The following LTBP1 variants were observed in gnomAD, a reference collection of about 807,000 sequenced individuals.
The protein encoded by LTBP1 is latent-transforming growth factor beta-binding protein 1.
LTBP1 carries 129 observed loss-of-function variants against 207.6 expected under a neutral mutation model. That is an observed-to-expected ratio of 0.62 (90% CI 0.54 to 0.72). The LOEUF is 0.72. Among genes scored for constraint, LTBP1 ranks in the 30% least tolerant of loss-of-function variants. The pLI is 0.00. For missense variants in LTBP1, 2,281 were observed against 2,217.2 expected (o/e 1.03, Z -0.58); for synonymous variants, 963 against 833.7 (o/e 1.16, Z -2.67).
intron 2 of LTBP1, among the ~76,000 whole-genome samples, chr2:33,017,960 C>T (rs534071636): frequency 6.6e-6 from 1 of 152,110 alleles, no homozygotes; most frequent in Non-Finnish European, 1.5e-5. Context: ...CAATCCAGCC[C>T]CTCCTCATCT....
chr2:33,310,529 G>T (rs2149175054), intron 23 of LTBP1, among the ~76,000 whole-genome samples: 1 of 152,070 alleles, frequency 6.6e-6, no homozygotes, highest in East Asian at 1.9e-4. Context: ...TATTCATTTT[G>T]TGCATGAGTA....
chr2:33,006,251 T>G (rs984263737), intron 2 of LTBP1, among the ~76,000 whole-genome samples: 3 of 152,274 alleles, frequency 2.0e-5, no homozygotes, highest in Non-Finnish European at 4.4e-5. Context: ...AAATTTATAT[T>G]TGTTTAGTGA....
At chr2:32,949,852 A>C (rs918278500) in intron 2 of LTBP1, among the ~76,000 whole-genome samples, 1 of 152,192 alleles carries the variant, frequency 6.6e-6, no homozygotes, top group African/African-American at 2.4e-5. Flanking sequence ...TTGTTTGTTG[A>C]AAATGTCTTC....
chr2:33,086,296 G>A (rs958237185), intron 3 of LTBP1, among the ~76,000 whole-genome samples: 1 of 152,164 alleles, frequency 6.6e-6, no homozygotes, highest in Non-Finnish European at 1.5e-5. Flanking sequence ...CTACCGGGTG[G>A]GTACCCAGTT....
rs372952522 is a variant in LTBP1, at chr2:33,297,782, A to T, written c.3236-2669A>T. On this transcript the variant is annotated intron_variant, in intron 20 of 33. Transcript: ENST00000404816. The stretch of plus-strand genomic sequence containing the variant: ...AACAAAAAACTAAACACTAGACTTT[A>T]TTTGGATTTCACAAGTTTTTCCAGT... 3.2e-4 allele frequency among the ~76,000 whole-genome samples: 48 copies of T among 152,282 alleles called. No homozygotes were observed. In the South Asian group the frequency reaches 8.7e-3, roughly 28 times the overall value.
chr2:33,248,223 A>G (rs2092571728), intron 10 of LTBP1, among the ~76,000 whole-genome samples: 1 of 152,232 alleles, frequency 6.6e-6, no homozygotes, highest in African/African-American at 2.4e-5. Flanking sequence ...AACTTCGTAA[A>G]TGCCAGGCAC....
chr2:33,108,613 G>A (rs2080207264), intron 3 of LTBP1, among the ~76,000 whole-genome samples: 1 of 152,124 alleles, frequency 6.6e-6, no homozygotes, highest in African/African-American at 2.4e-5. Flanking sequence ...TTTTCTGGCT[G>A]TGGTTGGGGC....
chr2:33,366,406 A>G (rs1574034438), intron 31 of LTBP1, among the ~76,000 whole-genome samples: 1 of 152,250 alleles, frequency 6.6e-6, no homozygotes, highest in Non-Finnish European at 1.5e-5. Context: ...TTCAATTAGA[A>G]TATTTCTTTC....
intron 2 of LTBP1, among the ~76,000 whole-genome samples, chr2:33,008,226 T>C (rs927443871): frequency 3.9e-5 from 6 of 152,252 alleles, no homozygotes; most frequent in Non-Finnish European, 8.8e-5. Flanking sequence ...GCTAGTCATA[T>C]GAACCACTAA....
intron 2 of LTBP1, among the ~76,000 whole-genome samples, chr2:33,017,715 C>T (rs1402663505): frequency 1.3e-5 from 2 of 152,314 alleles, no homozygotes; most frequent in Admixed American, 1.3e-4. Flanking sequence ...CTCCTGGGTT[C>T]ACGCCATTCT....
chr2:33,048,099 G>A (rs957073875), intron 3 of LTBP1, among the ~76,000 whole-genome samples: 5 of 152,176 alleles, frequency 3.3e-5, no homozygotes, highest in African/African-American at 1.2e-4. Context: ...TGCAGGCATT[G>A]TGTTGTTACC....
chr2:33,234,010 A>C (rs1370186491), intron 9 of LTBP1, among the ~76,000 whole-genome samples: 1 of 151,872 alleles, frequency 6.6e-6, no homozygotes, highest in African/African-American at 2.4e-5. Flanking sequence ...GCTTATCACT[A>C]CCCTTTCAAC....
chr2:33,187,628 T>A (rs2087352660), intron 6 of LTBP1, among the ~76,000 whole-genome samples: 3 of 152,218 alleles, frequency 2.0e-5, no homozygotes, highest in South Asian at 2.1e-4. Flanking sequence ...TGCACACTTT[T>A]AAAAAGGGAA....
chr2:32,989,683 C>G (rs758510647), intron 2 of LTBP1, among the ~76,000 whole-genome samples: 43 of 152,146 alleles, frequency 2.8e-4, no homozygotes, highest in Non-Finnish European at 1.3e-4. Flanking sequence ...TCTGAGGAAC[C>G]AGTTGCATTG....
intron 3 of LTBP1, among the ~76,000 whole-genome samples, chr2:33,094,876 A>G (rs1042902121): frequency 1.3e-5 from 2 of 152,196 alleles, no homozygotes; most frequent in African/African-American, 4.8e-5. Flanking sequence ...CCATTCCTCT[A>G]ACGAGAATAT....
intron 19 of LTBP1, among the ~76,000 whole-genome samples, chr2:33,290,484 G>A (rs983488220): frequency 6.6e-6 from 1 of 152,206 alleles, no homozygotes; most frequent in Non-Finnish European, 1.5e-5. Context: ...AAGTAGAGGA[G>A]CCAACACCAT....
chr2:33,064,932 G>A (rs913438931), intron 3 of LTBP1, among the ~76,000 whole-genome samples: 3 of 152,174 alleles, frequency 2.0e-5, no homozygotes, highest in Non-Finnish European at 4.4e-5. Flanking sequence ...GACTGCTAGT[G>A]TAATGTAGAA....
Position 33,389,182 on chromosome 2 carries a change from A to C in LTBP1, c.4712-2A>C. Reference sequence around the variant, plus strand: ...GCCTCATGCTGCTTGTCTACTCCTTAGATGACTATGCTCAGCTGTGTAACA... The same window carrying C: ...GCCTCATGCTGCTTGTCTACTCCTTCGATGACTATGCTCAGCTGTGTAACA... On this transcript the variant is annotated splice_acceptor_variant, in intron 31 of 33. Coordinates refer to ENST00000404816, the MANE Select transcript of LTBP1 (RefSeq NM_206943.4). LOFTEE classifies it high-confidence loss of function. 6.2e-7 allele frequency: 1 copy of C among 1,614,100 alleles called. No homozygotes were observed. The highest frequency in any genetic ancestry group is 8.5e-7 in the Non-Finnish European group (1 of 1,180,006).
intron 2 of LTBP1, among the ~76,000 whole-genome samples, chr2:32,990,798 T>A (rs1034936698): frequency 6.6e-6 from 1 of 152,202 alleles, no homozygotes; most frequent in African/African-American, 2.4e-5. Flanking sequence ...TGCACAGCAT[T>A]TTCATCTTGG....
Sources: allele counts gnomAD v4.1 joint callset (sites outside exome capture counted in the v4.1 genomes callset), GRCh38; gene constraint gnomAD v4.1.1; transcripts MANE v1.5; gene names NCBI Gene and HGNC (gene_info 2026-07-23, HGNC 2026-07-21).